ADAM7: variants seen among roughly 807,000 people sequenced by gnomAD.
ADAM7 encodes ADAM metallopeptidase domain 7.
Under a neutral mutation model 102.9 loss-of-function variants are expected in ADAM7, and 97 were observed. That is an observed-to-expected ratio of 0.94 (90% CI 0.80 to 1.12). ADAM7 has a LOEUF of 1.12. Among genes scored for constraint, ADAM7 ranks in the 50% most tolerant of loss-of-function variants. ADAM7 has a pLI of 0.00. For missense variants in ADAM7, 991 were observed against 908.7 expected (o/e 1.09, Z -1.16); for synonymous variants, 334 against 304.4 (o/e 1.10, Z -1.01).
At position 24,489,027 on chromosome 8, in the gene ADAM7, C is replaced by G. The variant is rs566292123; in HGVS notation, c.1092-132C>G. 5.6e-6 allele frequency: 4 copies of G among 717,220 alleles called. No homozygotes were observed. The East Asian group carries it at 1.2e-4, about 22-fold the overall frequency. 44.4% of individuals were successfully genotyped at this position (717,220 alleles called of 1,614,324 possible). On this transcript the variant is annotated intron_variant, in intron 11 of 21. Coordinates refer to ENST00000175238, the MANE Select transcript of ADAM7 (RefSeq NM_003817.4). ...AAAGATATTTTCTATAATAAAGGACCCAGTTACTTCCCTGCTCTAACAGTA... is the reference window on the plus strand; with the variant it reads ...AAAGATATTTTCTATAATAAAGGACGCAGTTACTTCCCTGCTCTAACAGTA...
At chr8:24,462,271 A>T (rs531602370) in intron 3 of ADAM7, among the ~76,000 whole-genome samples, 2 of 152,134 alleles carry the variant, frequency 1.3e-5, no homozygotes, top group African/African-American at 4.8e-5. Context: ...AAAATTCTGA[A>T]TTTGAGACTG....
chr8:24,472,755 G>A (rs780889548), intron 7 of ADAM7, among the ~76,000 whole-genome samples: 15 of 151,834 alleles, frequency 9.9e-5, no homozygotes, highest in African/African-American at 3.6e-4. Flanking sequence ...TTAGCAATGA[G>A]AAAAATCAAT....
At chr8:24,468,567 C>T (rs905219665) in intron 6 of ADAM7, among the ~76,000 whole-genome samples, 200 bp from the exon 7 acceptor site, 3 of 151,504 alleles carry the variant, frequency 2.0e-5, no homozygotes, top group African/African-American at 2.4e-5. Flanking sequence ...TACTAAAATC[C>T]GATGTATAGG....
At chr8:24,452,067 C>G (rs1465521996) in intron 3 of ADAM7, among the ~76,000 whole-genome samples, 1 of 152,060 alleles carries the variant, frequency 6.6e-6, no homozygotes, top group African/African-American at 2.4e-5. Flanking sequence ...GCTTTACTTC[C>G]AACTATGTGG....
At chr8:24,503,023 AT>A (rs1715620548) in intron 20 of ADAM7, among the ~76,000 whole-genome samples, 2 of 152,114 alleles carry the variant, frequency 1.3e-5, no homozygotes, top group Non-Finnish European at 2.9e-5. Flanking sequence ...TCATGATCAT[AT>A]ATAGAGGATA....
chr8:24,460,591 T>C (rs1182433401), intron 3 of ADAM7, among the ~76,000 whole-genome samples: 4 of 152,102 alleles, frequency 2.6e-5, no homozygotes, highest in African/African-American at 9.7e-5. Flanking sequence ...GATTGCAGCA[T>C]ATATTTACAA....
At chr8:24,481,795 CCTGCCA>C (rs1819961183) in intron 8 of ADAM7, among the ~76,000 whole-genome samples, 1 of 152,202 alleles carries the variant, frequency 6.6e-6, no homozygotes, top group African/African-American at 2.4e-5. Context: ...ACTCACACCG[CCTGCCA>C]CTGTTAGTAA....
chr8:24,474,609 G>A (rs1432197568), intron 7 of ADAM7, among the ~76,000 whole-genome samples: 1 of 152,086 alleles, frequency 6.6e-6, no homozygotes, highest in Non-Finnish European at 1.5e-5. Flanking sequence ...AAGCAGCAGA[G>A]GTCAGGTGCA....
At chr8:24,455,724 A>C (rs1819007551) in intron 3 of ADAM7, among the ~76,000 whole-genome samples, 1 of 152,186 alleles carries the variant, frequency 6.6e-6, no homozygotes, top group Non-Finnish European at 1.5e-5. Flanking sequence ...GTTTACACTG[A>C]ATTTTTTCTT....
Position 24,489,312 on chromosome 8 carries a change from G to A in ADAM7, c.1245G>A (p.Glu415=), listed in dbSNP as rs766147103. 1.2e-6 allele frequency: 2 copies of A among 1,612,542 alleles called. No homozygotes were observed. The highest frequency in any genetic ancestry group is 1.1e-5 in the South Asian group (1 of 90,808). ...ACAAGAAGTTGGATGAGGGTGAAGA[G>A]TGTGACTGTGGCCCTGCTCAGGTAT... ...CGNKKLDEGE[E]CDCGPAQECT... The change falls in exon 12 of 22, where the codon GAG becomes GAA. Residue 415 remains glutamate, a synonymous_variant. Coordinates refer to ENST00000175238, the MANE Select transcript of ADAM7 (RefSeq NM_003817.4).
intron 21 of ADAM7, 125 bp from the exon 22 acceptor site, chr8:24,508,421 A>G: frequency 1.1e-6 from 1 of 930,898 alleles, no homozygotes. Flanking sequence ...AAAAGCATGA[A>G]TAAATGTAGG....
chr8:24,487,190 C>A lies in ADAM7; in HGVS notation c.964C>A (p.Leu322Ile), dbSNP rs1180128730. 3.7e-6 allele frequency: 6 copies of A among 1,613,200 alleles called. No individual in the cohort carries two copies. The highest frequency in any genetic ancestry group is 4.2e-6 in the Non-Finnish European group (5 of 1,179,570). Residue 322 changes from leucine to isoleucine, a missense_variant, in exon 11 of 22, where the codon CTT becomes ATT. Coordinates refer to ENST00000175238, the MANE Select transcript of ADAM7 (RefSeq NM_003817.4). ...PYYSTSIIKD[L>I]LPDTNIIANR... ...AATGCAATTGTTTTATCATCAGGATCTTTTACCTGACACAAACATAATTGC... is the reference window on the plus strand; with the variant it reads ...AATGCAATTGTTTTATCATCAGGATATTTTACCTGACACAAACATAATTGC...
At position 24,448,684 on chromosome 8, in the gene ADAM7, ATACTTT is replaced by A. The variant is rs1434005551; in HGVS notation, c.233+1423_233+1428del. On this transcript the variant is annotated intron_variant, in intron 3 of 21. Coordinates refer to ENST00000175238, the MANE Select transcript of ADAM7 (RefSeq NM_003817.4). Reference sequence around the variant, plus strand: ...TATTATTATTATTATTATTATTATTATACTTTAAGTTTTAGGGTACATGTGCACAAT... The same window carrying A: ...TATTATTATTATTATTATTATTATTAAAGTTTTAGGGTACATGTGCACAAT... Among the ~76,000 whole-genome samples the A allele has an allele frequency of 3.7e-5, 5 of 134,368 alleles. No homozygotes were observed. In the South Asian group the frequency reaches 1.2e-3, roughly 32 times the overall value. 88.2% of individuals were successfully genotyped at this position (134,368 alleles called of 152,430 possible).
At chr8:24,441,250 A>T in intron 1 of ADAM7, 90 bp downstream of exon 1, 1 of 1,286,400 alleles carries the variant, frequency 7.8e-7, no homozygotes, top group Non-Finnish European at 1.1e-6. Context: ...AGTGATAAAA[A>T]CATTAAACGT....
intron 3 of ADAM7, among the ~76,000 whole-genome samples, chr8:24,447,786 T>C (rs1818618290): frequency 6.6e-6 from 1 of 152,108 alleles, no homozygotes; most frequent in South Asian, 2.1e-4. Flanking sequence ...AGTTTCATTG[T>C]TTTTCCACTG....
chr8:24,497,579 G>A (rs1052292714), intron 16 of ADAM7, among the ~76,000 whole-genome samples: 1 of 151,856 alleles, frequency 6.6e-6, no homozygotes, highest in Non-Finnish European at 1.5e-5. Flanking sequence ...ATAAAACCAG[G>A]AAATAGAGTT....
At chr8:24,479,348 G>C (rs149763797) in intron 8 of ADAM7, among the ~76,000 whole-genome samples, 3 of 152,248 alleles carry the variant, frequency 2.0e-5, no homozygotes, top group Non-Finnish European at 2.9e-5. Context: ...TGTCCTCCAG[G>C]AGTAGAAGGC....
chr8:24,506,851 C>G (rs1162014272), intron 20 of ADAM7, among the ~76,000 whole-genome samples: 1 of 151,976 alleles, frequency 6.6e-6, no homozygotes, highest in Non-Finnish European at 1.5e-5. Flanking sequence ...TCTATCTCTA[C>G]ATCCTCAAGG....
At chr8:24,460,363 T>C (rs1157022253) in intron 3 of ADAM7, among the ~76,000 whole-genome samples, 1 of 152,086 alleles carries the variant, frequency 6.6e-6, no homozygotes, top group East Asian at 1.9e-4. Flanking sequence ...TTTAATAGGT[T>C]AACATTTAAT....
Sources: gnomAD v4.1 joint callset for allele counts (sites outside exome capture counted in the v4.1 genomes callset) on GRCh38, gnomAD v4.1.1 for gene constraint, MANE v1.5 for transcripts, NCBI Gene and HGNC (gene_info 2026-07-23, HGNC 2026-07-21) for gene names.